The following UBASH3B variants were observed in gnomAD, a reference collection of about 807,000 sequenced individuals.
UBASH3B encodes ubiquitin-associated and SH3 domain-containing protein B.
A neutral mutation model predicts 83.4 loss-of-function variants in UBASH3B; 37 were observed. The ratio of observed to expected loss-of-function variants is 0.44; its 90% CI spans 0.34 to 0.58. The LOEUF (loss-of-function observed/expected upper bound fraction) is 0.58, where lower values mean the gene tolerates loss of function less well. UBASH3B is among the 20% of genes least tolerant of loss of function. UBASH3B has a pLI of 0.01. For synonymous variants in UBASH3B, 304 were observed against 318.3 expected (o/e 0.96, Z 0.48); for missense variants, 657 against 827.2 (o/e 0.79, Z 2.52).
chr11:122,660,042 A>G (rs1863415964), intron 1 of UBASH3B, among the ~76,000 whole-genome samples: 1 of 152,196 alleles, frequency 6.6e-6, no homozygotes, highest in Non-Finnish European at 1.5e-5. Context: ...TCTGAGGGGA[A>G]CGCAATTAAT....
intron 1 of UBASH3B, among the ~76,000 whole-genome samples, chr11:122,670,403 G>T (rs1236146706): frequency 6.6e-6 from 1 of 152,128 alleles, no homozygotes; most frequent in Non-Finnish European, 1.5e-5. Context: ...ATGCAGAGTG[G>T]TGTGTCTGGT....
chr11:122,711,404 T>A (rs961289624), intron 1 of UBASH3B, among the ~76,000 whole-genome samples: 1 of 152,202 alleles, frequency 6.6e-6, no homozygotes, highest in African/African-American at 2.4e-5. Flanking sequence ...TCACAAGTCA[T>A]CAATAACAAG....
intron 1 of UBASH3B, among the ~76,000 whole-genome samples, chr11:122,695,228 TGCTGGGA>T (rs1052210190): frequency 6.6e-6 from 1 of 152,136 alleles, no homozygotes; most frequent in Non-Finnish European, 1.5e-5. Flanking sequence ...CCTCCCAAAG[TGCTGGGA>T]TTGCAGGCGT....
chr11:122,658,780 A>G (rs1863396211), intron 1 of UBASH3B, among the ~76,000 whole-genome samples: 1 of 152,218 alleles, frequency 6.6e-6, no homozygotes, highest in Admixed American at 6.5e-5. Flanking sequence ...GCACATAGTG[A>G]GCAATCGTGA....
rs946613935 is a variant in UBASH3B, at chr11:122,813,999, A to C, written c.*4113A>C. 1.3e-5 allele frequency: 2 copies of C among 152,498 alleles called. No individual in the cohort carries two copies. Among genetic ancestry groups the C allele is most frequent in the African/African-American group, 4.8e-5 (2 of 41,454 alleles). The allele number at this position is 152,498 out of a possible 1,614,324, so 9.4% of individuals were successfully genotyped here. A position where few individuals can be genotyped will look rare whatever the true frequency, so the allele number is the denominator to read the frequency against. On this transcript the variant is annotated 3_prime_UTR_variant, in exon 14 of 14. Transcript: ENST00000284273. ...ACTTAATATACAATCAGTTCTTGCA[A>C]ATACTTTACACTTAGCTGCCATTAC...
chr11:122,767,888 A>G (rs2135126963), intron 1 of UBASH3B, among the ~76,000 whole-genome samples: 1 of 152,320 alleles, frequency 6.6e-6, no homozygotes, highest in East Asian at 1.9e-4. Context: ...GGACCTTCAC[A>G]TAGTGCACTC....
At chr11:122,762,702 C>G (rs1420653144) in intron 1 of UBASH3B, among the ~76,000 whole-genome samples, 1 of 152,202 alleles carries the variant, frequency 6.6e-6, no homozygotes, top group African/African-American at 2.4e-5. Context: ...CTGCACCTTT[C>G]CTTATGTTAT....
chr11:122,771,724 C>G (rs111772750), intron 1 of UBASH3B, among the ~76,000 whole-genome samples: 273 of 150,764 alleles, frequency 1.8e-3, no homozygotes, highest in African/African-American at 6.2e-3. Context: ...TATTTATGTC[C>G]TGGCAACTTA....
intron 1 of UBASH3B, among the ~76,000 whole-genome samples, chr11:122,744,894 TGTGTGC>T (rs747034558): frequency 4.5e-4 from 65 of 143,858 alleles, no homozygotes; most frequent in South Asian, 3.8e-3. Flanking sequence ...TGTGTGTGTG[TGTGTGC>T]GCGCGCGCGC....
At chr11:122,713,447 T>C (rs1264122134) in intron 1 of UBASH3B, among the ~76,000 whole-genome samples, 2 of 152,194 alleles carry the variant, frequency 1.3e-5, no homozygotes, top group Non-Finnish European at 2.9e-5. Flanking sequence ...ATAATAGATC[T>C]GTAGATGCAA....
At chr11:122,734,957 C>G (rs555898369) in intron 1 of UBASH3B, among the ~76,000 whole-genome samples, 10 of 152,192 alleles carry the variant, frequency 6.6e-5, no homozygotes, top group African/African-American at 2.4e-4. Context: ...TTCCTGTTTC[C>G]TAGCAAACTT....
intron 4 of UBASH3B, chr11:122,782,303 T>G (rs950962523): frequency 2.0e-5 from 3 of 152,026 alleles, no homozygotes; most frequent in African/African-American, 7.2e-5. Context: ...GTAGGGTTGT[T>G]TTGTTTTGTC....
At chr11:122,677,406 A>G (rs1295387834) in intron 1 of UBASH3B, among the ~76,000 whole-genome samples, 1 of 152,136 alleles carries the variant, frequency 6.6e-6, no homozygotes, top group Non-Finnish European at 1.5e-5. Context: ...TAACTCCTAT[A>G]TACTACATTC....
chr11:122,747,850 A>G (rs1238479396), intron 1 of UBASH3B, among the ~76,000 whole-genome samples: 1 of 152,260 alleles, frequency 6.6e-6, no homozygotes, highest in Non-Finnish European at 1.5e-5. Flanking sequence ...CCTAAGATCC[A>G]TATATTCCCT....
chr11:122,732,666 G>C (rs972584291), intron 1 of UBASH3B, among the ~76,000 whole-genome samples: 8 of 152,128 alleles, frequency 5.3e-5, no homozygotes, highest in Non-Finnish European at 1.2e-4. Context: ...ATCGTGGTTT[G>C]TCTTTCCACC....
chr11:122,666,785 T>C (rs1479465099), intron 1 of UBASH3B, among the ~76,000 whole-genome samples: 12 of 152,102 alleles, frequency 7.9e-5, no homozygotes, highest in Admixed American at 7.9e-4. Flanking sequence ...TCTTTTTTCC[T>C]AATCAGATTT....
chr11:122,742,063 G>A (rs77466780), intron 1 of UBASH3B, among the ~76,000 whole-genome samples: 4,293 of 152,226 alleles, frequency 0.028, 191 homozygotes, highest in African/African-American at 0.098. Flanking sequence ...CTAGCACAGC[G>A]GCAACGAAAT....
At chr11:122,795,334 G>T (rs1220037106) in intron 7 of UBASH3B, among the ~76,000 whole-genome samples, 4 of 152,084 alleles carry the variant, frequency 2.6e-5, no homozygotes, top group Non-Finnish European at 5.9e-5. Context: ...ATTGTGGCTG[G>T]AGCCCAGGAT....
At chr11:122,712,469 TG>T (rs1459041614) in intron 1 of UBASH3B, among the ~76,000 whole-genome samples, 2 of 152,096 alleles carry the variant, frequency 1.3e-5, no homozygotes, top group Non-Finnish European at 2.9e-5. Flanking sequence ...GCAGCCCAAA[TG>T]GACCCAGGGG....
Sources: gnomAD v4.1 joint callset for allele counts (sites outside exome capture counted in the v4.1 genomes callset) on GRCh38, gnomAD v4.1.1 for gene constraint, MANE v1.5 for transcripts, NCBI Gene and HGNC (gene_info 2026-07-23, HGNC 2026-07-21) for gene names.